The following TEX2 variants were observed in gnomAD, a reference collection of about 807,000 sequenced individuals.
The protein encoded by TEX2 is testis expressed 2.
A neutral mutation model predicts 106.9 loss-of-function variants in TEX2; 53 were observed. That is an observed-to-expected ratio of 0.50 (90% CI 0.40 to 0.62). The LOEUF (loss-of-function observed/expected upper bound fraction) is 0.62. Ranked by LOEUF, TEX2 falls within the 20% of genes least tolerant of loss-of-function variation. The probability of loss-of-function intolerance (pLI) is 0.00; values close to 1 mark genes in which losing one functional copy is unlikely to be tolerated. For synonymous variants in TEX2, 523 were observed against 534.8 expected, an observed-to-expected ratio of 0.98 and a Z score of 0.30; for missense variants, 1,207 against 1,379.0, an observed-to-expected ratio of 0.88 and a Z score of 1.98.
chr17:64,156,159 G>A (rs558049484), intron 8 of TEX2: 9 of 152,392 alleles, frequency 5.9e-5, no homozygotes, highest in African/African-American at 1.9e-4. Context: ...AGGAGCCAAA[G>A]GCACCCAAGG....
chr17:64,231,233 TG>T, intron 1 of TEX2, among the ~76,000 whole-genome samples: 1 of 152,188 alleles, frequency 6.6e-6, no homozygotes, highest in Non-Finnish European at 1.5e-5. Context: ...CAGGCTGTGA[TG>T]GGGTTGAACT....
At chr17:64,258,030 G>A (rs1372323390) in intron 1 of TEX2, among the ~76,000 whole-genome samples, 1 of 151,872 alleles carries the variant, frequency 6.6e-6, no homozygotes, top group African/African-American at 2.4e-5. Flanking sequence ...TCCTGCCTCA[G>A]CCTCCTGAGT....
chr17:64,224,314 C>G (rs1555633620), intron 1 of TEX2, among the ~76,000 whole-genome samples: 1 of 152,184 alleles, frequency 6.6e-6, no homozygotes, highest in African/African-American at 2.4e-5. Context: ...CAGAGCAAAA[C>G]AGTGAATCTG....
At chr17:64,157,071 C>T (rs372470171) in intron 8 of TEX2, among the ~76,000 whole-genome samples, 16 of 152,300 alleles carry the variant, frequency 1.1e-4, no homozygotes, top group African/African-American at 3.4e-4. Flanking sequence ...CTCTGCTCTC[C>T]GCGCTGGGGG....
In TEX2 at chr17:64,177,453, A is replaced by G; in HGVS notation, c.2443T>C (p.Ser815Pro). ...AGKKLPEVPP[S>P]EEEEQEAWVN... ...CAGGCTTCCTGTTCTTCCTCCTCAG[A>G]GGGTGGAACCTCTGGCAACTGGCAA... The change falls in exon 6 of 12, where the codon TCT (serine) becomes CCT (proline). Residue 815 changes from serine to proline, a missense_variant. Transcript: ENST00000584379. 2 of 1,613,732 alleles carry G rather than the reference A, an allele frequency of 1.2e-6. No individual in the cohort carries two copies. The highest frequency in any genetic ancestry group is 1.7e-6 in the Non-Finnish European group (2 of 1,179,904).
chr17:64,231,933 C>T (rs1042328949), intron 1 of TEX2, among the ~76,000 whole-genome samples: 2 of 152,144 alleles, frequency 1.3e-5, no homozygotes, highest in African/African-American at 2.4e-5. Context: ...TCTTTTTATC[C>T]GTGCCGACTC....
intron 1 of TEX2, among the ~76,000 whole-genome samples, chr17:64,227,784 T>A (rs1351583014): frequency 6.6e-6 from 1 of 152,180 alleles, no homozygotes; most frequent in East Asian, 1.9e-4. Context: ...AAGCTTCTTT[T>A]CATCTGTAAA....
chr17:64,184,740 C>A (rs1156294471), intron 5 of TEX2, among the ~76,000 whole-genome samples: 2 of 152,126 alleles, frequency 1.3e-5, no homozygotes, highest in Admixed American at 6.5e-5. Context: ...GTCTATGATC[C>A]ATTTTGAGTT....
chr17:64,261,320 C>CA (rs2034283583), intron 1 of TEX2, among the ~76,000 whole-genome samples: 1 of 152,164 alleles, frequency 6.6e-6, no homozygotes, highest in Admixed American at 6.5e-5. Flanking sequence ...TAACTCCAGG[C>CA]AACTGCTTTT....
chr17:64,163,119 G>A (rs2030962905), intron 7 of TEX2, among the ~76,000 whole-genome samples: 1 of 152,090 alleles, frequency 6.6e-6, no homozygotes, highest in Admixed American at 6.6e-5. Flanking sequence ...AGTCAAGAAT[G>A]CTTTAAGAAC....
At chr17:64,200,107 G>A (rs782352380) in intron 2 of TEX2, among the ~76,000 whole-genome samples, 1 of 152,154 alleles carries the variant, frequency 6.6e-6, no homozygotes, top group Non-Finnish European at 1.5e-5. Flanking sequence ...ATATTAATAA[G>A]AGTATTCTAT....
intron 1 of TEX2, among the ~76,000 whole-genome samples, chr17:64,234,321 T>C (rs1555634900): frequency 6.6e-6 from 1 of 152,232 alleles, no homozygotes; most frequent in Admixed American, 6.5e-5. Flanking sequence ...TTGATGTTTT[T>C]CTGTTCACAG....
intron 1 of TEX2, among the ~76,000 whole-genome samples, chr17:64,223,812 T>G (rs571518809): frequency 6.8e-6 from 1 of 146,746 alleles, no homozygotes; most frequent in Admixed American, 7.2e-5. Flanking sequence ...AGCTCCCAGG[T>G]TCAAGCGATT....
intron 5 of TEX2, 22 bp downstream of exon 5, chr17:64,188,146 C>G: frequency 1.3e-6 from 2 of 1,597,886 alleles, no homozygotes; most frequent in Non-Finnish European, 1.7e-6. Context: ...TGAAAAAGGT[C>G]CGGCCCAGCA....
chr17:64,167,813 C>T (rs1375742409), intron 7 of TEX2, among the ~76,000 whole-genome samples: 3 of 151,626 alleles, frequency 2.0e-5, no homozygotes, highest in African/African-American at 7.3e-5. Context: ...GAGTGAAACT[C>T]CATCTCAAAA....
chr17:64,252,457 C>T (rs2034110320), intron 1 of TEX2, among the ~76,000 whole-genome samples: 1 of 152,086 alleles, frequency 6.6e-6, no homozygotes, highest in Non-Finnish European at 1.5e-5. Context: ...TACAGGTGCA[C>T]ACCACCATGC....
intron 1 of TEX2, among the ~76,000 whole-genome samples, chr17:64,245,169 A>G (rs1458693698): frequency 3.9e-5 from 6 of 152,188 alleles, no homozygotes; most frequent in Non-Finnish European, 1.5e-5. Context: ...CCCTTACACT[A>G]TTATTTTTAC....
intron 1 of TEX2, among the ~76,000 whole-genome samples, chr17:64,252,541 CCTGG>C (rs1555637125): frequency 1.3e-5 from 2 of 151,668 alleles, no homozygotes; most frequent in African/African-American, 4.8e-5. Context: ...GGTCTTGAAT[CCTGG>C]GCTCAAGCGA....
chr17:64,226,795 G>A (rs962192473), intron 1 of TEX2, among the ~76,000 whole-genome samples: 1 of 152,142 alleles, frequency 6.6e-6, no homozygotes, highest in Non-Finnish European at 1.5e-5. Flanking sequence ...AAACTTTGCT[G>A]AAAACTGGTA....
Sources: gnomAD v4.1 joint callset for allele counts (sites outside exome capture counted in the v4.1 genomes callset) on GRCh38, gnomAD v4.1.1 for gene constraint, MANE v1.5 for transcripts, NCBI Gene and HGNC (gene_info 2026-07-23, HGNC 2026-07-21) for gene names.